Variants in RAPGEF2 observed in about 807,000 individuals in gnomAD.
RAPGEF2 encodes PDZ domain containing guanine nucleotide exchange factor (GEF) 1.
RAPGEF2 carries 54 observed loss-of-function variants against 186.7 expected under a neutral mutation model. The observed-to-expected ratio is 0.29, with a 90% CI of 0.23 to 0.36. RAPGEF2 has a LOEUF of 0.36. Ranked by LOEUF, RAPGEF2 falls within the 10% of genes least tolerant of loss-of-function variation. The probability of loss-of-function intolerance (pLI) is 1.00; values close to 1 mark genes in which losing one functional copy is unlikely to be tolerated. For missense variants in RAPGEF2, 1,532 were observed against 2,045.0 expected (o/e 0.75, Z 4.84); for synonymous variants, 712 against 705.9 (o/e 1.01, Z -0.14).
intron 3 of RAPGEF2, among the ~76,000 whole-genome samples, chr4:159,207,531 G>A (rs2111362003): frequency 6.6e-6 from 1 of 152,260 alleles, no homozygotes; most frequent in Admixed American, 6.5e-5. Flanking sequence ...GCCATTTATT[G>A]TACTTTCTAA....
chr4:159,131,519 A>ATTTTTTTTTTTTTTTTTTTTTT (rs35670450), intron 1 of RAPGEF2, among the ~76,000 whole-genome samples: 1 of 37,212 alleles, frequency 2.7e-5, no homozygotes, highest in Admixed American at 3.4e-4. Context: ...ATTAATTGCT[A>ATTTTTTTTTTTTTTTTTTTTTT]TTTTTTTTTT....
At chr4:159,205,740 C>T (rs1040036619) in intron 3 of RAPGEF2, among the ~76,000 whole-genome samples, 1 of 152,118 alleles carries the variant, frequency 6.6e-6, no homozygotes, top group Non-Finnish European at 1.5e-5. Flanking sequence ...CGCCTTCCCC[C>T]ATGATTGTAA....
At chr4:159,134,075 T>G (rs555296415) in intron 1 of RAPGEF2, among the ~76,000 whole-genome samples, 2 of 152,336 alleles carry the variant, frequency 1.3e-5, no homozygotes, top group East Asian at 3.9e-4. Flanking sequence ...GCAATCAAAA[T>G]TAAGACATTT....
At chr4:159,104,564 G>GTGTGTGTA (rs1451380816) in intron 1 of RAPGEF2, among the ~76,000 whole-genome samples, 4 of 151,058 alleles carry the variant, frequency 2.6e-5, no homozygotes, top group Non-Finnish European at 5.9e-5. Flanking sequence ...GTGTGTGTGT[G>GTGTGTGTA]TGTGTGTATG....
At chr4:159,342,833 C>T in intron 20 of RAPGEF2, 146 bp from the exon 21 acceptor site, 2 of 797,892 alleles carry the variant, frequency 2.5e-6, no homozygotes, top group East Asian at 2.7e-5. Flanking sequence ...TCTCATTCCC[C>T]AGAATTATCA....
At chr4:159,141,239 T>A (rs1742291451) in intron 1 of RAPGEF2, among the ~76,000 whole-genome samples, 1 of 152,214 alleles carries the variant, frequency 6.6e-6, no homozygotes, top group South Asian at 2.1e-4. Context: ...ATTTTTATAA[T>A]CCTATCGGGA....
chr4:159,140,720 G>T (rs1579289902), intron 1 of RAPGEF2, among the ~76,000 whole-genome samples: 1 of 152,046 alleles, frequency 6.6e-6, no homozygotes, highest in Middle Eastern at 3.2e-3. Flanking sequence ...AGCAGATAGG[G>T]CCTGGGAGGA....
intron 1 of RAPGEF2, among the ~76,000 whole-genome samples, chr4:159,135,294 C>T (rs55676457): frequency 0.021 from 3,243 of 152,274 alleles, 121 homozygotes; most frequent in African/African-American, 0.071. Context: ...AGTCCGCCCA[C>T]CTCAGCCTCC....
At chr4:159,105,959 C>A (rs1221118730) in intron 1 of RAPGEF2, among the ~76,000 whole-genome samples, 1 of 152,144 alleles carries the variant, frequency 6.6e-6, no homozygotes, top group Non-Finnish European at 1.5e-5. Context: ...ATGACTAAAA[C>A]CTACTATCAG....
intron 11 of RAPGEF2, 30 bp from the exon 12 acceptor site, chr4:159,329,828 C>T (rs1766414727): frequency 2.5e-6 from 4 of 1,584,522 alleles, no homozygotes; most frequent in Non-Finnish European, 3.4e-6. Flanking sequence ...AGCACTTTAT[C>T]ATTAACATGT....
At chr4:159,134,872 C>T (rs1456331869) in intron 1 of RAPGEF2, among the ~76,000 whole-genome samples, 1 of 152,170 alleles carries the variant, frequency 6.6e-6, no homozygotes, top group Non-Finnish European at 1.5e-5. Flanking sequence ...TCCTCTATCC[C>T]TTCTGTCCTA....
chr4:159,133,471 G>A (rs1741332679), intron 1 of RAPGEF2, among the ~76,000 whole-genome samples: 1 of 151,504 alleles, frequency 6.6e-6, no homozygotes, highest in African/African-American at 2.4e-5. Context: ...GAGTGTAGTG[G>A]TGCGATCTCA....
rs1490441947 is a variant in RAPGEF2, at chr4:159,329,900, C to A, written c.1192C>A (p.Gln398Lys). 3 of 1,613,100 alleles carry A rather than the reference C, an allele frequency of 1.9e-6. No individual in the cohort carries two copies. The Admixed American group carries it at 5.0e-5, about 27-fold the overall frequency. Residue 398 changes from glutamine to lysine, a missense_variant, in exon 12 of 30, where the codon CAA becomes AAA. Transcript: ENST00000691494. Reference sequence around the variant, plus strand: ...GCAAGATTACTGCCGTATTCTCAATCAAGTAGAAAAGAACATGCAAAAAGT... The same window carrying A: ...GCAAGATTACTGCCGTATTCTCAATAAAGTAGAAAAGAACATGCAAAAAGT... ...AQQDYCRILN[Q>K]VEKNMQKVEE... is the part of the protein sequence containing the mutation.
chr4:159,155,866 G>A (rs1242560602), intron 1 of RAPGEF2, among the ~76,000 whole-genome samples: 1 of 150,858 alleles, frequency 6.6e-6, no homozygotes, highest in Non-Finnish European at 1.5e-5. Flanking sequence ...ATTTTGATAT[G>A]TTTTAGTTAG....
intron 1 of RAPGEF2, among the ~76,000 whole-genome samples, chr4:159,152,499 A>G (rs1187080316): frequency 1.3e-5 from 2 of 152,198 alleles, no homozygotes; most frequent in Non-Finnish European, 2.9e-5. Context: ...CCATGTGGCT[A>G]TGGTTTTTTC....
chr4:159,155,007 G>T (rs1349976775), intron 1 of RAPGEF2, among the ~76,000 whole-genome samples: 1 of 152,172 alleles, frequency 6.6e-6, no homozygotes. Flanking sequence ...TTAAAGTGAT[G>T]ATTTTCAGAT....
chr4:159,233,440 C>G (rs1752868960), intron 4 of RAPGEF2, among the ~76,000 whole-genome samples: 1 of 152,174 alleles, frequency 6.6e-6, no homozygotes, highest in African/African-American at 2.4e-5. Flanking sequence ...ATATGGCATA[C>G]TTGTCAAAAA....
intron 7 of RAPGEF2, among the ~76,000 whole-genome samples, chr4:159,246,678 T>A (rs781061922): frequency 6.6e-6 from 1 of 152,188 alleles, no homozygotes; most frequent in Non-Finnish European, 1.5e-5. Flanking sequence ...GCACATTTAT[T>A]TGACATTTAG....
chr4:159,281,149 G>A (rs899878552), intron 7 of RAPGEF2, among the ~76,000 whole-genome samples: 5 of 151,736 alleles, frequency 3.3e-5, no homozygotes, highest in African/African-American at 9.7e-5. Context: ...GCACTACCAC[G>A]TGCAGCTAAT....
Sources: gnomAD v4.1 joint callset for allele counts (sites outside exome capture counted in the v4.1 genomes callset) on GRCh38, gnomAD v4.1.1 for gene constraint, MANE v1.5 for transcripts, NCBI Gene and HGNC (gene_info 2026-07-23, HGNC 2026-07-21) for gene names.